The following ELMO1 variants were observed in gnomAD, a reference collection of about 807,000 sequenced individuals.
The protein encoded by ELMO1 is engulfment and cell motility protein 1.
ELMO1 carries 26 observed loss-of-function variants against 98.9 expected under a neutral mutation model. The observed-to-expected ratio is 0.26, with a 90% CI of 0.19 to 0.36. The LOEUF (loss-of-function observed/expected upper bound fraction) is 0.36. Ranked by LOEUF, ELMO1 falls within the 10% of genes least tolerant of loss-of-function variation. ELMO1 has a pLI of 1.00. For synonymous variants in ELMO1, 346 were observed against 346.0 expected (o/e 1.00, Z 0.00); for missense variants, 627 against 935.2 (o/e 0.67, Z 4.30).
intron 1 of ELMO1, among the ~76,000 whole-genome samples, chr7:37,356,536 C>G (rs1249628301): frequency 6.6e-6 from 1 of 152,110 alleles, no homozygotes; most frequent in African/African-American, 2.4e-5. Context: ...AAACCAAACA[C>G]CCCATGTTCT....
At chr7:37,448,152 CG>C (rs1805724454) in intron 1 of ELMO1, among the ~76,000 whole-genome samples, 2 of 151,886 alleles carry the variant, frequency 1.3e-5, no homozygotes, top group African/African-American at 4.8e-5. Context: ...GCGCGCTCGC[CG>C]GGGGATTCCC....
intron 1 of ELMO1, among the ~76,000 whole-genome samples, chr7:37,428,392 G>C (rs570694861): frequency 2.6e-4 from 40 of 152,252 alleles, no homozygotes; most frequent in Admixed American, 1.3e-4. Flanking sequence ...TTATGTTGCT[G>C]CTTGGCAGTC....
chr7:37,213,545 T>C, intron 11 of ELMO1, 88 bp from the exon 12 acceptor site: 1 of 1,268,502 alleles, frequency 7.9e-7, no homozygotes, highest in East Asian at 2.6e-5. Flanking sequence ...TCTCACAGTC[T>C]TCACTGGGAG....
intron 1 of ELMO1, among the ~76,000 whole-genome samples, chr7:37,370,954 A>T (rs1363176016): frequency 6.6e-6 from 1 of 152,220 alleles, no homozygotes; most frequent in Non-Finnish European, 1.5e-5. Flanking sequence ...ACACTAAGAG[A>T]GATGGACAAA....
intron 16 of ELMO1, among the ~76,000 whole-genome samples, chr7:36,895,538 T>C (rs1805922667): frequency 6.6e-6 from 1 of 152,178 alleles, no homozygotes; most frequent in South Asian, 2.1e-4. Flanking sequence ...TTCATACTAA[T>C]TACGCATTTG....
chr7:37,435,845 G>C (rs1418480274), intron 1 of ELMO1, among the ~76,000 whole-genome samples: 1 of 152,144 alleles, frequency 6.6e-6, no homozygotes, highest in Admixed American at 6.5e-5. Flanking sequence ...GCCACAGCTG[G>C]GATAATGGTT....
At chr7:36,892,421 C>T (rs574306158) in intron 17 of ELMO1, among the ~76,000 whole-genome samples, 2 of 151,714 alleles carry the variant, frequency 1.3e-5, no homozygotes, top group African/African-American at 4.8e-5. Flanking sequence ...GCAATGAGCC[C>T]AGTCTATGGT....
chr7:36,929,171 C>T (rs1442856151), intron 16 of ELMO1, among the ~76,000 whole-genome samples: 4 of 152,192 alleles, frequency 2.6e-5, no homozygotes, highest in Non-Finnish European at 2.9e-5. Context: ...TAGGCAGCTA[C>T]AGATTGGGGT....
At chr7:36,910,434 A>G (rs1282858378) in intron 16 of ELMO1, among the ~76,000 whole-genome samples, 1 of 152,194 alleles carries the variant, frequency 6.6e-6, no homozygotes, top group Non-Finnish European at 1.5e-5. Flanking sequence ...GTCCTGCAGG[A>G]TGGGTATAAT....
At chr7:37,243,888 C>T (rs779907251) in intron 7 of ELMO1, among the ~76,000 whole-genome samples, 21 of 152,296 alleles carry the variant, frequency 1.4e-4, no homozygotes, top group Middle Eastern at 6.8e-3. Flanking sequence ...GATAGGTGAT[C>T]GAGCACTTTC....
intron 15 of ELMO1, among the ~76,000 whole-genome samples, chr7:37,044,951 G>A (rs1236769965): frequency 6.6e-6 from 1 of 152,192 alleles, no homozygotes; most frequent in Non-Finnish European, 1.5e-5. Context: ...GCTAGGTGTT[G>A]CCTATGTTTT....
intron 4 of ELMO1, among the ~76,000 whole-genome samples, chr7:37,277,069 C>A (rs2893539): frequency 0.071 from 10,813 of 152,274 alleles, 510 homozygotes; most frequent in African/African-American, 0.11. Context: ...TATGACCTGG[C>A]ACATGCCGGC....
At chr7:36,992,585 G>A (rs1029081064) in intron 16 of ELMO1, among the ~76,000 whole-genome samples, 15 of 152,190 alleles carry the variant, frequency 9.9e-5, no homozygotes, top group Non-Finnish European at 1.0e-4. Context: ...AAAAGCGACT[G>A]GGCCAATGGT....
intron 16 of ELMO1, among the ~76,000 whole-genome samples, chr7:36,998,913 G>A (rs115108666): frequency 2.0e-3 from 310 of 152,202 alleles, no homozygotes; most frequent in African/African-American, 7.0e-3. Context: ...CAGGTGAATA[G>A]GGGGTTGAGA....
At chr7:37,170,580 TTTTC>T (rs1790082059) in intron 13 of ELMO1, among the ~76,000 whole-genome samples, 2 of 151,608 alleles carry the variant, frequency 1.3e-5, no homozygotes, top group African/African-American at 2.4e-5. Flanking sequence ...TTGTTTTTCT[TTTTC>T]TTTCTCTCTC....
At chr7:37,020,661 T>C (rs1410718790) in intron 15 of ELMO1, among the ~76,000 whole-genome samples, 2 of 151,744 alleles carry the variant, frequency 1.3e-5, no homozygotes, top group East Asian at 3.9e-4. Context: ...ACCTTGGTGA[T>C]GCTAAGAGAG....
At chr7:37,185,630 A>G (rs1420423) in intron 13 of ELMO1, among the ~76,000 whole-genome samples, 125,687 of 152,172 alleles carry the variant, frequency 0.83, 52,233 homozygotes, top group African/African-American at 0.91. Context: ...ACATGGTTAC[A>G]TGGCTCAAGC....
intron 6 of ELMO1, among the ~76,000 whole-genome samples, chr7:37,247,471 TGCTTTCTGCCTCA>T (rs1795075138): frequency 6.6e-6 from 1 of 152,198 alleles, no homozygotes; most frequent in South Asian, 2.1e-4. Context: ...TGTGCCCATG[TGCTTTCTGCCTCA>T]GCTCCTCAAC....
At chr7:37,417,434 G>T (rs1026622370) in intron 1 of ELMO1, among the ~76,000 whole-genome samples, 22 of 152,156 alleles carry the variant, frequency 1.4e-4, no homozygotes, top group Non-Finnish European at 2.9e-4. Context: ...GGCCGAGGTG[G>T]GAGGATCACG....
Sources: allele counts gnomAD v4.1 joint callset (sites outside exome capture counted in the v4.1 genomes callset), GRCh38; gene constraint gnomAD v4.1.1; transcripts MANE v1.5; gene names NCBI Gene and HGNC (gene_info 2026-07-23, HGNC 2026-07-21).